Variants in COL5A2 observed in about 807,000 individuals in gnomAD.
COL5A2 encodes collagen type V alpha 2 chain, also known as collagen alpha-2(V) chain.
COL5A2 carries 23 observed loss-of-function variants against 208.2 expected under a neutral mutation model. That is an observed-to-expected ratio of 0.11 (90% CI 0.08 to 0.16). The LOEUF is 0.16. Ranked by LOEUF, COL5A2 falls within the 10% of genes least tolerant of loss-of-function variation. COL5A2 has a pLI of 1.00. For missense variants in COL5A2, 1,590 were observed against 1,956.4 expected (o/e 0.81, Z 3.53); for synonymous variants, 625 against 628.5 (o/e 0.99, Z 0.08).
chr2:189,045,274 G>A (rs1173467611), intron 46 of COL5A2, 42 bp from the exon 47 acceptor site: 1 of 1,334,328 alleles, frequency 7.5e-7, no homozygotes, highest in Non-Finnish European at 1.1e-6. Context: ...ATGTAAAAAA[G>A]ATATTCACAT....
the COL5A2 span, among the ~76,000 whole-genome samples, chr2:189,374,940 T>C: frequency 6.6e-6 from 1 of 152,056 alleles, no homozygotes; most frequent in Non-Finnish European, 1.5e-5. Flanking sequence ...TATGACCATA[T>C]AGGAGATTTA....
chr2:189,052,808 T>C lies in COL5A2; in HGVS notation c.2662-6A>G, dbSNP rs1025527484. The C allele has an allele frequency of 7.4e-6, 12 of 1,614,012 alleles. No individual in the cohort carries two copies. Among genetic ancestry groups the C allele is most frequent in the Admixed American group, 1.7e-5 (1 of 60,002 alleles). On this transcript the variant is annotated splice_polypyrimidine_tract_variant and splice_region_variant and intron_variant, in intron 39 of 53. Coordinates refer to ENST00000374866, the MANE Select transcript of COL5A2 (RefSeq NM_000393.5). ...CCAGGAACACCATTAGGACCCTGAA[T>C]AGAAACAAACAAAAGAGCACTATAG...
At chr2:189,138,272 C>A (rs955279526) in intron 1 of COL5A2, among the ~76,000 whole-genome samples, 1 of 152,006 alleles carries the variant, frequency 6.6e-6, no homozygotes, top group Non-Finnish European at 1.5e-5. Context: ...ATGCACCCGG[C>A]CCGGTATATT....
chr2:189,122,468 AG>A (rs1255386915), intron 1 of COL5A2, among the ~76,000 whole-genome samples: 1 of 152,176 alleles, frequency 6.6e-6, no homozygotes, highest in East Asian at 1.9e-4. Context: ...TATCAAAAAA[AG>A]GAGGTGATGA....
At chr2:189,077,786 A>G (rs6434320) in intron 16 of COL5A2, among the ~76,000 whole-genome samples, 143,068 of 152,120 alleles carry the variant, frequency 0.94, 67,469 homozygotes, top group Non-Finnish European at 0.98. Context: ...AGGTAATAGC[A>G]GAGACAGTGT....
the COL5A2 span, among the ~76,000 whole-genome samples, chr2:189,270,240 T>G: frequency 6.6e-6 from 1 of 152,186 alleles, no homozygotes; most frequent in African/African-American, 2.4e-5. Context: ...CTCTTTCAGT[T>G]CTGCTCTGAA....
the COL5A2 span, among the ~76,000 whole-genome samples, chr2:189,393,085 G>A: frequency 1.3e-5 from 2 of 151,974 alleles, no homozygotes; most frequent in African/African-American, 2.4e-5. Context: ...TTGCCAATTT[G>A]CATTTAATTA....
the COL5A2 span, among the ~76,000 whole-genome samples, chr2:189,396,621 C>T: frequency 7.0e-6 from 1 of 141,876 alleles, no homozygotes; most frequent in Non-Finnish European, 1.5e-5. Flanking sequence ...TTGCAGTGAG[C>T]AGAGCTCGCG....
At chr2:189,121,397 G>A (rs1432482627) in intron 1 of COL5A2, among the ~76,000 whole-genome samples, 1 of 151,972 alleles carries the variant, frequency 6.6e-6, no homozygotes, top group African/African-American at 2.4e-5. Context: ...TCTCAACCAT[G>A]ACTCTGATTT....
chr2:189,208,156 T>C (rs1418434610), intron 1 of COL5A2, among the ~76,000 whole-genome samples: 1 of 152,180 alleles, frequency 6.6e-6, no homozygotes, highest in Non-Finnish European at 1.5e-5. Context: ...TCCAAATTCA[T>C]TACTGCTCCC....
rs149064715 is a variant in COL5A2, at chr2:189,034,212, C to T, written c.4358G>A (p.Arg1453Gln). 2.0e-4 allele frequency: 320 copies of T among 1,613,712 alleles called. No individual in the cohort carries two copies. Among genetic ancestry groups the T allele is most frequent in the Non-Finnish European group, 2.3e-4 (266 of 1,179,862 alleles). Residue 1453 changes from arginine to glutamine, a missense_variant, in exon 54 of 54, where the codon CGG becomes CAG. Physicochemically the swap from Arg to Gln is conservative, Grantham distance 43 (BLOSUM62 1). Transcript: ENST00000374866. Reference protein sequence around the residue: ...YIVLQDTCSKRNGNVGKTVFE... With the variant: ...YIVLQDTCSKQNGNVGKTVFE... ...GACAGTCTTGCCCACATTTCCATTC[C>T]GCTTCTGAAATTAAATGATGCAATG...
chr2:189,161,809 A>C (rs1688369681), intron 1 of COL5A2, among the ~76,000 whole-genome samples: 1 of 152,232 alleles, frequency 6.6e-6, no homozygotes, highest in Admixed American at 6.5e-5. Flanking sequence ...AATGTTATTT[A>C]GAAAACAGTG....
At chr2:189,380,719 C>CA in the COL5A2 span, among the ~76,000 whole-genome samples, 2 of 151,578 alleles carry the variant, frequency 1.3e-5, no homozygotes, top group Non-Finnish European at 3.0e-5. Context: ...TATACAGGGG[C>CA]AAAAAAATTA....
the COL5A2 span, among the ~76,000 whole-genome samples, chr2:189,261,356 T>C: frequency 5.9e-5 from 9 of 151,832 alleles, no homozygotes; most frequent in Non-Finnish European, 1.2e-4. Flanking sequence ...TGGAAAACTA[T>C]GCAGAAAATA....
the COL5A2 span, among the ~76,000 whole-genome samples, chr2:189,421,352 C>T: frequency 2.0e-5 from 3 of 152,210 alleles, no homozygotes; most frequent in East Asian, 3.9e-4. Flanking sequence ...CAACTATCCA[C>T]GCACGAAATT....
In COL5A2 at chr2:189,051,379, G is replaced by A. The variant is rs957007431; in HGVS notation, c.2872C>T (p.Pro958Ser). The change falls in exon 42 of 54, where the codon CCA becomes TCA. Residue 958 changes from proline (P) to serine (S), a missense_variant. By Grantham distance (74) the Pro-to-Ser change is moderately conservative. Transcript: ENST00000374866. ...GSHGRVGDRG[P>S]AGPPGGPGDK... ...CCTGGGCCACCAGGGGGGCCAGCTG[G>A]TCCTCGATCTCCCACACGCCCATGA... The A allele has an allele frequency of 6.2e-7, 1 of 1,614,052 alleles. No individual in the cohort carries two copies. The highest frequency in any genetic ancestry group is 1.1e-5 in the South Asian group (1 of 91,082).
At chr2:189,080,683 C>T (rs1397036087) in intron 13 of COL5A2, among the ~76,000 whole-genome samples, 2 of 152,120 alleles carry the variant, frequency 1.3e-5, no homozygotes, top group East Asian at 3.9e-4. Context: ...CCTACCTTTT[C>T]ATCCGTATCC....
chr2:189,104,350 T>G, intron 2 of COL5A2, 73 bp from the exon 3 acceptor site: 1 of 1,026,862 alleles, frequency 9.7e-7, no homozygotes, highest in Non-Finnish European at 1.5e-6. Context: ...ATATTTACTT[T>G]CAATAATAGA....
intron 1 of COL5A2, among the ~76,000 whole-genome samples, chr2:189,138,149 AT>A (rs1215893664): frequency 6.6e-6 from 1 of 151,866 alleles, no homozygotes; most frequent in South Asian, 2.1e-4. Context: ...TAATTTTTGT[AT>A]TTTTTAGTAG....
Sources: gnomAD v4.1 joint callset for allele counts (sites outside exome capture counted in the v4.1 genomes callset) on GRCh38, gnomAD v4.1.1 for gene constraint, MANE v1.5 for transcripts, NCBI Gene and HGNC (gene_info 2026-07-23, HGNC 2026-07-21) for gene names.